Variants in MGA observed in about 807,000 individuals in gnomAD.
The protein encoded by MGA is MAX gene-associated protein.
A neutral mutation model predicts 261.1 loss-of-function variants in MGA; 40 were observed. The ratio of observed to expected loss-of-function variants is 0.15; its 90% CI spans 0.12 to 0.20. MGA has a LOEUF of 0.20. Ranked by LOEUF, MGA falls within the 10% of genes least tolerant of loss-of-function variation. MGA has a pLI of 1.00. For missense variants in MGA, 3,397 were observed against 3,630.5 expected (o/e 0.94, Z 1.65); for synonymous variants, 1,302 against 1,290.6 (o/e 1.01, Z -0.19).
chr15:41,708,093 T>A lies in MGA; in HGVS notation c.2321-11T>A, dbSNP rs1404890503. 1 of 1,554,372 alleles carries A rather than the reference T, an allele frequency of 6.4e-7. No homozygotes were observed. The highest frequency in any genetic ancestry group is 8.7e-7 in the Non-Finnish European group (1 of 1,151,972). On this transcript the variant is annotated splice_polypyrimidine_tract_variant and intron_variant, in intron 6 of 23. Coordinates refer to ENST00000219905, the MANE Select transcript of MGA (RefSeq NM_001164273.2). ...GAATTTTGGTCATCTGTTTGACTTT[T>A]TCTTTTATAGATGCGGGATTTCCCT... is the stretch of plus-strand genomic sequence containing the variant.
At chr15:41,656,528 T>C (rs940411639), upstream of MGA, among the ~76,000 whole-genome samples, 4 of 151,218 alleles carry the variant, frequency 2.6e-5, no homozygotes, top group Non-Finnish European at 4.4e-5. Context: ...TTTTTATTTT[T>C]ATTTTATTTT....
chr15:41,624,317 A>C (rs1408031639), intron 1 of MGA, among the ~76,000 whole-genome samples: 3 of 151,662 alleles, frequency 2.0e-5, no homozygotes, highest in African/African-American at 7.3e-5. Flanking sequence ...GTGCGATCTC[A>C]GCTCACTGCA....
chr15:41,745,394 A>C (rs1291080958), intron 15 of MGA, among the ~76,000 whole-genome samples: 1 of 151,406 alleles, frequency 6.6e-6, no homozygotes, highest in Non-Finnish European at 1.5e-5. Context: ...TAATAATTAA[A>C]AAATCATTAA....
At chr15:41,656,603 G>C (rs1020480083), upstream of MGA, among the ~76,000 whole-genome samples, 1 of 151,456 alleles carries the variant, frequency 6.6e-6, no homozygotes, top group Admixed American at 6.6e-5. Context: ...CAAACAGTCC[G>C]TCCCACCTCA....
At chr15:41,725,561 C>CCTTTTTT (rs2061181128) in intron 9 of MGA, among the ~76,000 whole-genome samples, 1 of 54,042 alleles carries the variant, frequency 1.9e-5, no homozygotes, top group African/African-American at 4.6e-5. Context: ...GGGCCGGGCG[C>CCTTTTTT]GGTGGCTCAC....
chr15:41,687,039 T>TCAAA (rs1309838954), intron 2 of MGA, among the ~76,000 whole-genome samples: 1 of 152,206 alleles, frequency 6.6e-6, no homozygotes, highest in East Asian at 1.9e-4. Context: ...CTGTTTTTTT[T>TCAAA]TTCATTATGT....
At chr15:41,665,501 C>T (rs1454129001) in intron 1 of MGA, among the ~76,000 whole-genome samples, 2 of 151,880 alleles carry the variant, frequency 1.3e-5, no homozygotes. Flanking sequence ...TCGAGGGATC[C>T]TCTCACCTCA....
rs752644003 is a variant in MGA at position 41,766,079 on chromosome 15, T to C, written c.7997T>C (p.Met2666Thr). The C allele has an allele frequency of 1.4e-5, 22 of 1,613,780 alleles. No individual in the cohort carries two copies. The East Asian group carries it at 2.2e-4, about 16-fold the overall frequency. Reference sequence around the variant, plus strand: ...GCCACAGAGGGAGGTTTGGTAGATATGGGTGGCAGCAAATATCCTCATGAA... The same window carrying C: ...GCCACAGAGGGAGGTTTGGTAGATACGGGTGGCAGCAAATATCCTCATGAA... Residue 2666 changes from methionine to threonine, a missense_variant, in exon 24 of 24, where the codon ATG becomes ACG. Met to Thr is a moderately conservative substitution (Grantham distance 81, BLOSUM62 -1). Coordinates refer to ENST00000219905, the MANE Select transcript of MGA (RefSeq NM_001164273.2).
chr15:41,736,836 T>C (rs1417719915), intron 13 of MGA, 138 bp downstream of exon 13: 44 of 1,016,718 alleles, frequency 4.3e-5, no homozygotes, highest in Non-Finnish European at 4.8e-5. Context: ...TATTATCTCT[T>C]TTTGTAATAG....
At chr15:41,646,367 A>T (rs944601837) in intron 1 of MGA, among the ~76,000 whole-genome samples, 6 of 150,678 alleles carry the variant, frequency 4.0e-5, no homozygotes, top group African/African-American at 9.8e-5. Flanking sequence ...TTTTTTGGAG[A>T]TGGAGTCTTG....
chr15:41,701,025 A>G (rs2059823502), intron 5 of MGA, among the ~76,000 whole-genome samples: 1 of 152,248 alleles, frequency 6.6e-6, no homozygotes, highest in Admixed American at 6.5e-5. Context: ...TGCAGATCCC[A>G]GTCTCAGTCA....
At chr15:41,666,393 T>C (rs2057740645) in intron 1 of MGA, among the ~76,000 whole-genome samples, 1 of 152,240 alleles carries the variant, frequency 6.6e-6, no homozygotes, top group African/African-American at 2.4e-5. Context: ...GCTTTTTATT[T>C]ATTTTAAAGA....
At chr15:41,670,488 A>T (rs1566954745) in intron 2 of MGA, among the ~76,000 whole-genome samples, 1 of 152,170 alleles carries the variant, frequency 6.6e-6, no homozygotes, top group South Asian at 2.1e-4. Flanking sequence ...TATGCCAGGT[A>T]AATTTTAAAG....
chr15:41,628,012 G>T (rs2056496188), intron 1 of MGA, among the ~76,000 whole-genome samples: 2 of 152,262 alleles, frequency 1.3e-5, no homozygotes, highest in Admixed American at 1.3e-4. Context: ...TAAGGATTGA[G>T]CATTGAACAG....
At chr15:41,757,482 A>G (rs2063215157) in intron 18 of MGA, among the ~76,000 whole-genome samples, 1 of 152,200 alleles carries the variant, frequency 6.6e-6, no homozygotes, top group African/African-American at 2.4e-5. Context: ...CAGGGACTTG[A>G]GTATTCAAAG....
chr15:41,635,550 G>A (rs2056685185), intron 1 of MGA, among the ~76,000 whole-genome samples: 1 of 151,834 alleles, frequency 6.6e-6, no homozygotes, highest in African/African-American at 2.4e-5. Flanking sequence ...TAAAAAATTA[G>A]CTGAGTACGA....
At chr15:41,757,083 T>C (rs909198980) in intron 18 of MGA, among the ~76,000 whole-genome samples, 1 of 152,074 alleles carries the variant, frequency 6.6e-6, no homozygotes, top group African/African-American at 2.4e-5. Context: ...TGTGATTGAG[T>C]AGACTGCACA....
intron 12 of MGA, 28 bp from the exon 13 acceptor site, chr15:41,736,153 T>C: frequency 6.9e-7 from 1 of 1,456,930 alleles, no homozygotes; most frequent in Non-Finnish European, 9.1e-7. Context: ...CTTTCAACTT[T>C]TTCTTTTTTA....
chr15:41,765,093 G>T, intron 23 of MGA, 31 bp downstream of exon 23: 1 of 1,608,470 alleles, frequency 6.2e-7, no homozygotes, highest in South Asian at 1.1e-5. Context: ...TCTATGGGAA[G>T]TGATAAAGTT....
Sources: allele counts gnomAD v4.1 joint callset (sites outside exome capture counted in the v4.1 genomes callset), GRCh38; gene constraint gnomAD v4.1.1; transcripts MANE v1.5; gene names NCBI Gene and HGNC (gene_info 2026-07-23, HGNC 2026-07-21).